Variants in ANTXR2 observed in about 807,000 individuals in gnomAD.
ANTXR2 encodes the protein anthrax toxin receptor 2.
ANTXR2 carries 44 observed loss-of-function variants against 73.7 expected under a neutral mutation model. The ratio of observed to expected loss-of-function variants is 0.60; its 90% CI spans 0.47 to 0.77. The LOEUF (loss-of-function observed/expected upper bound fraction) is 0.77. ANTXR2 is among the 30% of genes least tolerant of loss of function. ANTXR2 has a pLI of 0.00. For synonymous variants in ANTXR2, 217 were observed against 205.9 expected (o/e 1.05, Z -0.46); for missense variants, 604 against 592.5 (o/e 1.02, Z -0.20).
intron 3 of ANTXR2, among the ~76,000 whole-genome samples, chr4:80,063,343 T>C (rs1734348847): frequency 6.6e-6 from 1 of 152,184 alleles, no homozygotes; most frequent in Non-Finnish European, 1.5e-5. Context: ...CTCTCCATAG[T>C]AATGGTTGAA....
intron 16 of ANTXR2, among the ~76,000 whole-genome samples, chr4:79,959,535 G>A (rs1165842763): frequency 1.3e-5 from 2 of 152,038 alleles, no homozygotes; most frequent in African/African-American, 4.8e-5. Flanking sequence ...CATATCACAG[G>A]GTAATTATGT....
Position 79,920,942 on chromosome 4 carries a change from T to C in ANTXR2, c.1429-13475A>G, listed in dbSNP as rs1009270933. 2.6e-5 allele frequency among the ~76,000 whole-genome samples: 4 copies of C among 152,206 alleles called. No homozygotes were observed. In the East Asian group the frequency reaches 5.8e-4, roughly 22 times the overall value. ...TCCAAACTACAATCTTCATGTCAAATAATGGCTAATTGCAAACAAAATCTA... is the reference window on the plus strand; with the variant it reads ...TCCAAACTACAATCTTCATGTCAAACAATGGCTAATTGCAAACAAAATCTA... On this transcript the variant is annotated intron_variant, in intron 16 of 16. Coordinates refer to ENST00000403729, the MANE Select transcript of ANTXR2 (RefSeq NM_058172.6).
chr4:80,053,907 G>A (rs988433413), intron 7 of ANTXR2, among the ~76,000 whole-genome samples: 1 of 151,558 alleles, frequency 6.6e-6, no homozygotes, highest in African/African-American at 2.4e-5. Context: ...TTTGGAGAAG[G>A]GAGTAATCAC....
chr4:80,035,846 A>T, intron 8 of ANTXR2, 126 bp downstream of exon 8: 1 of 744,376 alleles, frequency 1.3e-6, no homozygotes, highest in Non-Finnish European at 2.2e-6. Context: ...AAAAATTCTT[A>T]CACAAAAAAG....
chr4:80,042,269 G>A (rs937086890), intron 7 of ANTXR2, among the ~76,000 whole-genome samples: 3 of 152,028 alleles, frequency 2.0e-5, no homozygotes, highest in South Asian at 2.1e-4. Context: ...GCAAAACTCC[G>A]TTTATAAAAA....
chr4:79,926,262 T>G (rs1727776907), intron 16 of ANTXR2, among the ~76,000 whole-genome samples: 1 of 152,154 alleles, frequency 6.6e-6, no homozygotes, highest in Non-Finnish European at 1.5e-5. Context: ...ACCATGATAT[T>G]CAATTTACCA....
At position 79,950,080 on chromosome 4, in the gene ANTXR2, A is replaced by G. The variant is rs376342004; in HGVS notation, c.1428+27541T>C. On this transcript the variant is annotated intron_variant, in intron 16 of 16. Transcript: ENST00000403729. ...AATTTCTAAAAATTTCTGACTCAAT[A>G]TTTATTATTTTGTTCAATATCTGTT... Among the ~76,000 whole-genome samples the G allele has an allele frequency of 6.1e-4, 92 of 151,976 alleles. 1 individual carries two copies. Among genetic ancestry groups the G allele is most frequent in the African/African-American group, 2.1e-3 (86 of 41,542 alleles).
intron 12 of ANTXR2, among the ~76,000 whole-genome samples, chr4:79,997,781 C>G (rs756797910): frequency 3.3e-5 from 5 of 151,772 alleles, no homozygotes; most frequent in Non-Finnish European, 7.4e-5. Flanking sequence ...GTGTATTCTG[C>G]CAGGAGTTAA....
chr4:80,049,060 G>A (rs1037101726), intron 7 of ANTXR2, among the ~76,000 whole-genome samples: 1 of 151,666 alleles, frequency 6.6e-6, no homozygotes, highest in African/African-American at 2.4e-5. Context: ...TTGGACAAGG[G>A]TTATTTATAA....
Position 79,907,193 on chromosome 4 carries a change from T to C in ANTXR2, c.*236A>G. 1.8e-6 allele frequency: 1 copy of C among 567,844 alleles called. No homozygotes were observed. Among genetic ancestry groups the C allele is most frequent in the South Asian group, 2.4e-5 (1 of 42,328 alleles). The allele number at this position is 567,844 out of a possible 1,614,324, so 35.2% of individuals were successfully genotyped here. ...TCAATGTTCCTCTTTATTTTCAATG[T>C]CATAAATCATGAGTTACCACTGAGT... On this transcript the variant is annotated 3_prime_UTR_variant, in exon 17 of 17. Coordinates refer to ENST00000403729, the MANE Select transcript of ANTXR2 (RefSeq NM_058172.6).
At chr4:80,028,573 T>C (rs970674318) in intron 10 of ANTXR2, among the ~76,000 whole-genome samples, 7 of 152,118 alleles carry the variant, frequency 4.6e-5, no homozygotes, top group African/African-American at 1.7e-4. Flanking sequence ...TTCACCAGCA[T>C]GTTGTTAATT....
intron 12 of ANTXR2, among the ~76,000 whole-genome samples, chr4:80,005,240 T>C (rs1731248480): frequency 6.6e-6 from 1 of 152,158 alleles, no homozygotes; most frequent in Non-Finnish European, 1.5e-5. Flanking sequence ...ACACCATAAA[T>C]GTGCCTGAGA....
intron 16 of ANTXR2, among the ~76,000 whole-genome samples, chr4:79,977,163 C>T (rs573319151): frequency 3.3e-5 from 5 of 152,260 alleles, no homozygotes; most frequent in African/African-American, 1.2e-4. Context: ...GACACTTTTA[C>T]GTAATAGTCA....
At chr4:80,025,053 T>A (rs1428130685) in intron 10 of ANTXR2, among the ~76,000 whole-genome samples, 3 of 152,196 alleles carry the variant, frequency 2.0e-5, no homozygotes, top group African/African-American at 7.2e-5. Flanking sequence ...ATATGTTTTT[T>A]CAAAGTAGAA....
chr4:79,953,849 T>C (rs892729480), intron 16 of ANTXR2, among the ~76,000 whole-genome samples: 4 of 150,696 alleles, frequency 2.7e-5, no homozygotes, highest in Non-Finnish European at 1.5e-5. Flanking sequence ...TTATGTTTTG[T>C]ATGTATTATA....
At chr4:79,975,804 T>A (rs1310960672) in intron 16 of ANTXR2, among the ~76,000 whole-genome samples, 1 of 152,188 alleles carries the variant, frequency 6.6e-6, no homozygotes, top group Non-Finnish European at 1.5e-5. Context: ...GATTGGATCA[T>A]GACAGAGACT....
intron 4 of ANTXR2, 29 bp from the exon 5 acceptor site, chr4:80,055,496 A>C: frequency 6.4e-7 from 1 of 1,555,292 alleles, no homozygotes; most frequent in Non-Finnish European, 8.8e-7. Flanking sequence ...TATCCAACTC[A>C]CAATTTAATT....
chr4:80,054,373 CTTAA>C, intron 6 of ANTXR2, 21 bp from the exon 7 acceptor site: 1 of 1,543,132 alleles, frequency 6.5e-7, no homozygotes. Flanking sequence ...AAGAGGAAGA[CTTAA>C]TTAAGGAGTG....
At chr4:79,915,862 C>CTCTCTCTATATATATATATATA (rs377006532) in intron 16 of ANTXR2, among the ~76,000 whole-genome samples, 2 of 123,878 alleles carry the variant, frequency 1.6e-5, no homozygotes, top group African/African-American at 6.1e-5. Flanking sequence ...CTCTCTCTCT[C>CTCTCTCTATATATATATATATA]TATATATATA....
Sources: gnomAD v4.1 joint callset for allele counts (sites outside exome capture counted in the v4.1 genomes callset) on GRCh38, gnomAD v4.1.1 for gene constraint, MANE v1.5 for transcripts, NCBI Gene and HGNC (gene_info 2026-07-23, HGNC 2026-07-21) for gene names.